The following BTAF1 variants were observed in gnomAD, a reference collection of about 807,000 sequenced individuals.
The protein encoded by BTAF1 is B-TFIID TATA-box binding protein associated factor 1.
BTAF1 carries 38 observed loss-of-function variants against 227.1 expected under a neutral mutation model. The ratio of observed to expected loss-of-function variants is 0.17; its 90% confidence interval spans 0.13 to 0.22. The LOEUF is 0.22. Ranked by LOEUF, BTAF1 falls within the 10% of genes least tolerant of loss-of-function variation. The pLI is 1.00. For synonymous variants in BTAF1, 742 were observed against 751.9 expected (o/e 0.99, Z 0.21); for missense variants, 1,598 against 2,204.0 (o/e 0.73, Z 5.51).
At chr10:91,973,331 G>A (rs1256079952) in intron 14 of BTAF1, among the ~76,000 whole-genome samples, 2 of 152,192 alleles carry the variant, frequency 1.3e-5, no homozygotes, top group Non-Finnish European at 2.9e-5. Flanking sequence ...GCCTCTGTCA[G>A]AGTTACATGG....
At chr10:91,974,512 G>C (rs1847545234) in intron 14 of BTAF1, among the ~76,000 whole-genome samples, 1 of 152,144 alleles carries the variant, frequency 6.6e-6, no homozygotes. Context: ...ACATGTGAAA[G>C]AATTGGCAAG....
chr10:91,990,790 T>C (rs547353414), intron 20 of BTAF1, among the ~76,000 whole-genome samples: 28 of 150,600 alleles, frequency 1.9e-4, no homozygotes, highest in African/African-American at 6.8e-4. Flanking sequence ...TGAAACTCCG[T>C]CTCAAAAAAT....
chr10:91,972,346 A>G (rs896230572), intron 14 of BTAF1, among the ~76,000 whole-genome samples: 1 of 152,252 alleles, frequency 6.6e-6, no homozygotes, highest in East Asian at 1.9e-4. Flanking sequence ...ATCTTTGGAC[A>G]TGGCTCCTTG....
At chr10:92,006,121 C>T (rs1849862155) in intron 25 of BTAF1, among the ~76,000 whole-genome samples, 1 of 152,136 alleles carries the variant, frequency 6.6e-6, no homozygotes. Flanking sequence ...TCCTCCACCA[C>T]ACCCGGCCAG....
At chr10:91,944,907 A>G (rs764490618) in intron 4 of BTAF1, among the ~76,000 whole-genome samples, 17 of 152,172 alleles carry the variant, frequency 1.1e-4, no homozygotes, top group Non-Finnish European at 1.9e-4. Flanking sequence ...TACCTTTTCT[A>G]TGTTTAGATA....
chr10:91,997,045 G>A, intron 24 of BTAF1: 1 of 1,151,900 alleles, frequency 8.7e-7, no homozygotes, highest in Non-Finnish European at 1.2e-6. Context: ...GGGTATGGCA[G>A]CAGCTAACAT....
intron 4 of BTAF1, among the ~76,000 whole-genome samples, chr10:91,946,228 G>A (rs541334386): frequency 2.0e-5 from 3 of 152,248 alleles, no homozygotes; most frequent in African/African-American, 7.2e-5. Context: ...GCGTGGTGAC[G>A]CATGCCTGTA....
At chr10:91,957,489 TA>T (rs1382966938) in intron 8 of BTAF1, among the ~76,000 whole-genome samples, 196 bp downstream of exon 8, 2 of 152,262 alleles carry the variant, frequency 1.3e-5, no homozygotes. Flanking sequence ...TCATATTCTT[TA>T]GTGAATTGTT....
intron 37 of BTAF1, 28 bp from the exon 38 acceptor site, chr10:92,028,762 T>TTC: frequency 6.4e-7 from 1 of 1,552,720 alleles, no homozygotes; most frequent in Non-Finnish European, 8.7e-7. Flanking sequence ...TCATTTTATT[T>TTC]TTTTTTTTTT....
chr10:92,016,596 C>T lies in BTAF1; in HGVS notation c.4710+131C>T, dbSNP rs1465323907. The T allele has an allele frequency of 4.4e-6, 3 of 682,766 alleles. 1 individual carries two copies. Among genetic ancestry groups the T allele is most frequent in the South Asian group, 5.0e-5 (2 of 39,774 alleles). 42.3% of individuals were successfully genotyped at this position (682,766 alleles called of 1,614,324 possible). On this transcript the variant is annotated intron_variant, in intron 33 of 37. Transcript: ENST00000265990. ...TGGGTTCAAGCTATCATGCCTCAGA[C>T]TCCTGAGTAGCTGGGAGTAGAGGTG...
At chr10:91,999,421 T>C (rs1053348876) in intron 25 of BTAF1, among the ~76,000 whole-genome samples, 1 of 152,146 alleles carries the variant, frequency 6.6e-6, no homozygotes, top group Non-Finnish European at 1.5e-5. Context: ...AGACGGACTT[T>C]TGCTCTTGTT....
Position 91,991,279 on chromosome 10 carries a change from T to TATATATATATATATAA in BTAF1, c.2855-827_2855-826insTAAATATATATATATA, listed in dbSNP as rs1256838673. ...ATATAAATATAAATATAAATATATA[T>TATATATATATATATAA]ATATATATATATAAATTATCCGGAC... is the stretch of plus-strand genomic sequence containing the variant. On this transcript the variant is annotated intron_variant, in intron 20 of 37. Transcript: ENST00000265990. Among the ~76,000 whole-genome samples, 32 of 98,268 alleles carry TATATATATATATATAA rather than the reference T, an allele frequency of 3.3e-4. 1 individual carries two copies. Among genetic ancestry groups the TATATATATATATATAA allele is most frequent in the Admixed American group, 9.5e-4 (8 of 8,432 alleles). The allele number at this position is 98,268 out of a possible 152,430, so 64.5% of individuals were successfully genotyped here. A position where few individuals can be genotyped will look rare whatever the true frequency, so the allele number is the denominator to read the frequency against.
At chr10:91,970,832 A>G (rs1225145719) in intron 14 of BTAF1, among the ~76,000 whole-genome samples, 2 of 152,266 alleles carry the variant, frequency 1.3e-5, no homozygotes, top group African/African-American at 4.8e-5. Flanking sequence ...CAGCATTAAA[A>G]GACAAACTAA....
At chr10:92,027,073 G>A (rs532955217) in intron 36 of BTAF1, 57 bp from the exon 37 acceptor site, 15 of 1,533,624 alleles carry the variant, frequency 9.8e-6, no homozygotes, top group East Asian at 2.3e-5. Flanking sequence ...CCTCTGACTC[G>A]TTGGAACCTC....
At chr10:91,931,119 A>G (rs1160121851) in intron 1 of BTAF1, among the ~76,000 whole-genome samples, 2 of 152,220 alleles carry the variant, frequency 1.3e-5, no homozygotes, top group Non-Finnish European at 2.9e-5. Context: ...GTTATGAATT[A>G]ACATAATGCA....
At chr10:91,988,322 T>C (rs1016252783) in intron 19 of BTAF1, among the ~76,000 whole-genome samples, 1 of 152,248 alleles carries the variant, frequency 6.6e-6, no homozygotes, top group Admixed American at 6.5e-5. Context: ...TCCTCAGTTG[T>C]CTACAGTCAT....
intron 7 of BTAF1, among the ~76,000 whole-genome samples, chr10:91,956,951 C>T (rs1039110225): frequency 3.3e-5 from 5 of 152,010 alleles, no homozygotes; most frequent in Non-Finnish European, 7.4e-5. Flanking sequence ...GATTGCACCA[C>T]CGCACTCTAG....
chr10:91,931,859 G>A (rs1017833633), intron 1 of BTAF1, among the ~76,000 whole-genome samples: 1 of 152,190 alleles, frequency 6.6e-6, no homozygotes, highest in Non-Finnish European at 1.5e-5. Context: ...GGAGAACTAC[G>A]AAAGTGGCTT....
intron 5 of BTAF1, among the ~76,000 whole-genome samples, chr10:91,952,784 G>A (rs1845856529): frequency 6.6e-6 from 1 of 152,028 alleles, no homozygotes. Context: ...GAAAGGAACA[G>A]AAGGAAATGG....
Sources: gnomAD v4.1 joint callset for allele counts (sites outside exome capture counted in the v4.1 genomes callset) on GRCh38, gnomAD v4.1.1 for gene constraint, MANE v1.5 for transcripts, NCBI Gene and HGNC (gene_info 2026-07-23, HGNC 2026-07-21) for gene names.